Variants in RBFOX1 observed in about 807,000 individuals in gnomAD.
RBFOX1 encodes the protein RNA binding fox-1 homolog 1.
RBFOX1 carries 8 observed loss-of-function variants against 57.7 expected under a neutral mutation model. That is an observed-to-expected ratio of 0.14 (90% CI 0.08 to 0.25). The LOEUF is 0.25. Ranked by LOEUF, RBFOX1 falls within the 10% of genes least tolerant of loss-of-function variation. The pLI is 1.00. For missense variants in RBFOX1, 611 were observed against 548.5 expected, an observed-to-expected ratio of 1.11 and a Z score of -1.14; for synonymous variants, 326 against 222.4, an observed-to-expected ratio of 1.47 and a Z score of -4.15.
At chr16:7,576,251 GA>G (rs2152812433) in intron 5 of RBFOX1, among the ~76,000 whole-genome samples, 1 of 152,164 alleles carries the variant, frequency 6.6e-6, no homozygotes, top group African/African-American at 2.4e-5. Flanking sequence ...TCCTTTGATG[GA>G]AAAGTAAAGT....
At chr16:6,086,291 G>A (rs1042411626) in intron 1 of RBFOX1, among the ~76,000 whole-genome samples, 2 of 152,168 alleles carry the variant, frequency 1.3e-5, no homozygotes, top group African/African-American at 4.8e-5. Flanking sequence ...TGCATGCTAA[G>A]TGCTTTCCCC....
At chr16:5,464,178 G>T (rs563781920) in intron 1 of RBFOX1, among the ~76,000 whole-genome samples, 92 of 152,318 alleles carry the variant, frequency 6.0e-4, no homozygotes, top group Middle Eastern at 3.4e-3. Context: ...GTGTGGAGTT[G>T]ATAATGTCTG....
At chr16:5,979,340 G>T (rs1056051637) in intron 4 of RBFOX1, among the ~76,000 whole-genome samples, 1 of 152,192 alleles carries the variant, frequency 6.6e-6, no homozygotes, top group Non-Finnish European at 1.5e-5. Flanking sequence ...GGATTGTAAT[G>T]TAGCCCTCTT....
At chr16:7,460,424 CAT>C (rs2059369385) in intron 4 of RBFOX1, among the ~76,000 whole-genome samples, 3 of 63,722 alleles carry the variant, frequency 4.7e-5, no homozygotes, top group South Asian at 1.0e-3. Flanking sequence ...TGTGTATATA[CAT>C]ATGTGTGTGT....
At chr16:6,768,572 G>C (rs2077751333) in intron 3 of RBFOX1, among the ~76,000 whole-genome samples, 1 of 151,536 alleles carries the variant, frequency 6.6e-6, no homozygotes, top group South Asian at 2.1e-4. Context: ...ATGTATGAGA[G>C]AAAAAGATGG....
intron 3 of RBFOX1, among the ~76,000 whole-genome samples, chr16:6,958,992 A>G (rs1191303318): frequency 6.6e-6 from 1 of 152,184 alleles, no homozygotes; most frequent in East Asian, 1.9e-4. Context: ...ATTTTGAATT[A>G]ATTATAAGGA....
At chr16:5,612,732 A>C (rs971125734) in intron 3 of RBFOX1, among the ~76,000 whole-genome samples, 1 of 152,214 alleles carries the variant, frequency 6.6e-6, no homozygotes, top group African/African-American at 2.4e-5. Context: ...AAAGATAGCC[A>C]GAGTAGCTGG....
At chr16:5,507,801 C>T (rs749930923) in intron 2 of RBFOX1, among the ~76,000 whole-genome samples, 3 of 152,088 alleles carry the variant, frequency 2.0e-5, no homozygotes, top group African/African-American at 7.2e-5. Context: ...GCCAATGAAC[C>T]CCAAGGATCG....
At chr16:7,140,163 T>A (rs1196531484) in intron 4 of RBFOX1, among the ~76,000 whole-genome samples, 15 of 136,520 alleles carry the variant, frequency 1.1e-4, no homozygotes, top group East Asian at 4.4e-4. Flanking sequence ...TCTCCCTCTC[T>A]CTCTCTCTCT....
At position 5,754,467 on chromosome 16, in the gene RBFOX1, A is replaced by G. The variant is rs529116285; in HGVS notation, c.319-112836A>G. ...AGAGATTTGGAAAAGAAAAAGACAC[A>G]GAGACAAAGTATAGAGAAAGAAATA... On this transcript the variant is annotated intron_variant, in intron 3 of 19. Coordinates refer to the RBFOX1 transcript ENST00000641259. 2.4e-3 allele frequency among the ~76,000 whole-genome samples: 353 copies of G among 150,198 alleles called. 1 individual carries two copies. Among genetic ancestry groups the G allele is most frequent in the South Asian group, 5.2e-3 (24 of 4,610 alleles).
exon 3 of RBFOX1, chr16:5,599,723 T>C (rs572834207): frequency 3.4e-4 from 53 of 153,960 alleles, no homozygotes; most frequent in Non-Finnish European, 5.6e-4. Flanking sequence ...GGCAGTGGTA[T>C]GAAATTTCCT....
At chr16:7,318,744 C>T (rs2096490586) in intron 4 of RBFOX1, among the ~76,000 whole-genome samples, 1 of 152,138 alleles carries the variant, frequency 6.6e-6, no homozygotes, top group Non-Finnish European at 1.5e-5. Context: ...TTATAGCAGG[C>T]TGAAAAGGCT....
chr16:7,032,061 G>A (rs901401064), intron 3 of RBFOX1, among the ~76,000 whole-genome samples: 26 of 152,156 alleles, frequency 1.7e-4, no homozygotes, highest in Non-Finnish European at 2.4e-4. Flanking sequence ...TGGCTTGGAA[G>A]CTGCCAGCAA....
chr16:5,840,786 C>T (rs1436476858), intron 3 of RBFOX1, among the ~76,000 whole-genome samples: 1 of 152,096 alleles, frequency 6.6e-6, no homozygotes, highest in Admixed American at 6.5e-5. Flanking sequence ...CAGTGAGTTC[C>T]CTATCATGGA....
intron 1 of RBFOX1, among the ~76,000 whole-genome samples, chr16:6,074,931 T>C (rs984707916): frequency 2.0e-4 from 31 of 151,936 alleles, no homozygotes; most frequent in African/African-American, 7.3e-4. Context: ...CAAGACACCA[T>C]CTCTAAAAAA....
chr16:6,258,005 C>A (rs1020992257), intron 1 of RBFOX1, among the ~76,000 whole-genome samples: 5 of 152,174 alleles, frequency 3.3e-5, no homozygotes. Flanking sequence ...GCCACACTGC[C>A]TTCTACAAAG....
intron 1 of RBFOX1, among the ~76,000 whole-genome samples, chr16:5,281,906 A>G (rs1050529542): frequency 7.2e-5 from 11 of 152,310 alleles, no homozygotes; most frequent in African/African-American, 2.6e-4. Flanking sequence ...AATTTAACCC[A>G]TATTCGAAGT....
chr16:7,453,427 G>A (rs185512357), intron 4 of RBFOX1, among the ~76,000 whole-genome samples: 18 of 152,178 alleles, frequency 1.2e-4, no homozygotes, highest in Non-Finnish European at 2.4e-4. Flanking sequence ...TGGTCTTGCC[G>A]GCCATGATCG....
At chr16:6,991,420 C>G (rs1422709354) in intron 3 of RBFOX1, among the ~76,000 whole-genome samples, 1 of 152,174 alleles carries the variant, frequency 6.6e-6, no homozygotes, top group Non-Finnish European at 1.5e-5. Context: ...CCTCAGGAAG[C>G]TCATATCCCA....
Sources: allele counts gnomAD v4.1 joint callset (sites outside exome capture counted in the v4.1 genomes callset), GRCh38; gene constraint gnomAD v4.1.1; transcripts MANE v1.5; gene names NCBI Gene and HGNC (gene_info 2026-07-23, HGNC 2026-07-21).